PREX1: variants seen among roughly 807,000 people sequenced by gnomAD.
PREX1 encodes the protein phosphatidylinositol 3,4,5-trisphosphate-dependent Rac exchanger 1 protein.
Under a neutral mutation model 198.3 loss-of-function variants are expected in PREX1, and 41 were observed. The observed-to-expected ratio is 0.21, with a 90% CI of 0.16 to 0.27. The LOEUF is 0.27. PREX1 is among the 10% of genes least tolerant of loss of function. The pLI, the probability that PREX1 is intolerant of heterozygous loss-of-function variation, is 1.00. For synonymous variants in PREX1, 843 were observed against 887.2 expected (o/e 0.95, Z 0.89); for missense variants, 1,620 against 2,200.7 (o/e 0.74, Z 5.28).
At chr20:48,868,377 G>C in the PREX1 span, among the ~76,000 whole-genome samples, 406 of 152,198 alleles carry the variant, frequency 2.7e-3, 2 homozygotes, top group South Asian at 0.034. Context: ...GAGTGCAATG[G>C]CATGATCTCG....
At chr20:48,764,424 T>A (rs182533099) in intron 1 of PREX1, among the ~76,000 whole-genome samples, 2 of 152,116 alleles carry the variant, frequency 1.3e-5, no homozygotes, top group African/African-American at 4.8e-5. Context: ...AAGGTAAGGA[T>A]CTTGGAAAGG....
intron 15 of PREX1, among the ~76,000 whole-genome samples, chr20:48,661,438 AAAAAAAATAT>A (rs1204744599): frequency 8.5e-5 from 8 of 94,190 alleles, no homozygotes; most frequent in African/African-American, 6.4e-4. Context: ...AAAAAAAAAA[AAAAAAAATAT>A]ATATATATAT....
intron 1 of PREX1, among the ~76,000 whole-genome samples, chr20:48,799,374 G>A (rs1031912512): frequency 3.3e-5 from 5 of 152,120 alleles, no homozygotes; most frequent in Admixed American, 2.6e-4. Flanking sequence ...AGACAGGCCT[G>A]GAAGAGGAAA....
rs2089394866 is a variant in PREX1 at position 48,639,813 on chromosome 20, G to C, written c.3857C>G (p.Pro1286Arg). ...GTCCACCAGGGTCTTGATGGAGTTG[G>C]GGAGGTTCCAGGGGTCCTCCTGGAT... The part of the protein sequence containing the change: ...ISIQEDPWNL[P>R]NSIKTLVDNI... The change falls in exon 30 of 40, where the codon CCC (proline) becomes CGC (arginine). Residue 1286 changes from proline to arginine, a missense_variant. Around this residue, in one of 7 missense-constraint regions of PREX1, gnomAD observed 476 missense variants for 603.4 expected, o/e 0.79. Coordinates refer to ENST00000371941, the MANE Select transcript of PREX1 (RefSeq NM_020820.4). 1.2e-6 allele frequency: 2 copies of C among 1,613,990 alleles called. No individual in the cohort carries two copies. The highest frequency in any genetic ancestry group is 4.5e-5 in the East Asian group (2 of 44,892).
intron 2 of PREX1, 40 bp from the exon 3 acceptor site, chr20:48,745,187 C>T: frequency 6.3e-7 from 1 of 1,578,930 alleles, no homozygotes; most frequent in East Asian, 2.3e-5. Flanking sequence ...CGTTAAGGCT[C>T]AGAGGGAGAG....
intron 9 of PREX1, among the ~76,000 whole-genome samples, chr20:48,689,952 G>A (rs2089808746): frequency 6.6e-6 from 1 of 152,212 alleles, no homozygotes; most frequent in Admixed American, 6.5e-5. Context: ...GAAAGGCAGA[G>A]TTACAGGGAC....
At chr20:48,746,918 T>C (rs1256081999) in intron 2 of PREX1, among the ~76,000 whole-genome samples, 1 of 148,118 alleles carries the variant, frequency 6.8e-6, no homozygotes, top group Non-Finnish European at 1.5e-5. Context: ...AATGCAGGCA[T>C]AGAGTTTAGA....
rs562862412 is a variant in PREX1, at chr20:48,823,881, G to A, written c.219+3761C>T. 3.9e-5 allele frequency among the ~76,000 whole-genome samples: 6 copies of A among 152,338 alleles called. No individual in the cohort carries two copies. The South Asian group carries it at 8.3e-4, about 21-fold the overall frequency. On this transcript the variant is annotated intron_variant, in intron 1 of 39. Coordinates refer to ENST00000371941, the MANE Select transcript of PREX1 (RefSeq NM_020820.4). ...CTGGCAATGCTGTCCACCTGACCCA[G>A]AGCAGCTCACTTAGATTCACTTTGC...
At chr20:48,803,174 A>T (rs1713070285) in intron 1 of PREX1, among the ~76,000 whole-genome samples, 1 of 152,222 alleles carries the variant, frequency 6.6e-6, no homozygotes, top group Non-Finnish European at 1.5e-5. Flanking sequence ...GGTTCAGGGC[A>T]TCCCTGGGAA....
chr20:48,678,170 C>T (rs575253509), intron 13 of PREX1, among the ~76,000 whole-genome samples: 10 of 152,136 alleles, frequency 6.6e-5, no homozygotes, highest in East Asian at 1.9e-4. Flanking sequence ...AAAAATTAGC[C>T]GGGCCTGGTG....
chr20:48,853,455 G>A, the PREX1 span, among the ~76,000 whole-genome samples: 1 of 152,184 alleles, frequency 6.6e-6, no homozygotes, highest in Non-Finnish European at 1.5e-5. Context: ...AGAGGCTTAT[G>A]CAACCATCAG....
chr20:48,850,153 G>T, the PREX1 span, among the ~76,000 whole-genome samples: 4 of 152,304 alleles, frequency 2.6e-5, no homozygotes, highest in East Asian at 7.7e-4. Context: ...AAGGGTGTTT[G>T]CCTCTAAGGA....
intron 20 of PREX1, 21 bp downstream of exon 20, chr20:48,653,340 C>T (rs757879592): frequency 1.2e-6 from 2 of 1,607,042 alleles, no homozygotes; most frequent in Admixed American, 1.7e-5. Flanking sequence ...CTTTGACGGC[C>T]CCGGTTTCCA....
At chr20:48,847,759 C>T in the PREX1 span, among the ~76,000 whole-genome samples, 4 of 152,166 alleles carry the variant, frequency 2.6e-5, no homozygotes, top group Non-Finnish European at 4.4e-5. Flanking sequence ...AGATCTAGAA[C>T]ATTCCCCTCA....
At chr20:48,836,475 A>T in the PREX1 span, among the ~76,000 whole-genome samples, 1 of 152,196 alleles carries the variant, frequency 6.6e-6, no homozygotes, top group East Asian at 1.9e-4. Context: ...AAGACTAGAC[A>T]TAGCAATGGA....
At position 48,644,440 on chromosome 20, in the gene PREX1, G is replaced by A. The variant is rs1264437236; in HGVS notation, c.3570C>T (p.Ser1190=). 1.9e-6 allele frequency: 3 copies of A among 1,613,820 alleles called. No individual in the cohort carries two copies. The highest frequency in any genetic ancestry group is 2.2e-5 in the East Asian group (1 of 44,884). Residue 1190 remains serine, a synonymous_variant, in exon 27 of 40, where the codon AGC becomes AGT. Transcript: ENST00000371941. The part of the protein sequence containing the change: ...VLSYTSVRSN[S]SYLGSDEMGS... Reference sequence around the variant, plus strand: ...CCATCTCGTCGCTGCCCAAGTAGGAGCTGTTACTTCTCACGCTGGTGTAGG... The same window carrying A: ...CCATCTCGTCGCTGCCCAAGTAGGAACTGTTACTTCTCACGCTGGTGTAGG...
chr20:48,869,712 G>A, the PREX1 span, among the ~76,000 whole-genome samples: 1 of 152,194 alleles, frequency 6.6e-6, no homozygotes, highest in Non-Finnish European at 1.5e-5. Flanking sequence ...GATGAAGCTG[G>A]AAGCTATCAT....
intron 29 of PREX1, among the ~76,000 whole-genome samples, chr20:48,641,850 G>C (rs2089414548): frequency 2.7e-5 from 1 of 36,532 alleles, no homozygotes; most frequent in Non-Finnish European, 5.8e-5. Context: ...GAGGAAGGAA[G>C]GAAGGAAGGA....
At chr20:48,626,020 C>T (rs2089269548) in intron 39 of PREX1, 93 bp from the exon 40 acceptor site, 2 of 1,303,390 alleles carry the variant, frequency 1.5e-6, no homozygotes, top group Non-Finnish European at 1.0e-6. Context: ...GTAATTCATG[C>T]CCAGAAACCC....
Sources: gnomAD v4.1 joint callset for allele counts (sites outside exome capture counted in the v4.1 genomes callset) on GRCh38, gnomAD v4.1.1 for gene constraint, gnomAD v4.1.1 regional missense constraint, MANE v1.5 for transcripts, NCBI Gene and HGNC (gene_info 2026-07-23, HGNC 2026-07-21) for gene names.